The following GNAT3 variants were observed in gnomAD, a reference collection of about 807,000 sequenced individuals.
The protein encoded by GNAT3 is G protein subunit alpha transducin 3.
Under a neutral mutation model 37.7 loss-of-function variants are expected in GNAT3, and 31 were observed. The observed-to-expected ratio is 0.82, with a 90% CI of 0.62 to 1.11. GNAT3 has a LOEUF of 1.11. Ranked by LOEUF, GNAT3 falls within the 50% of genes most tolerant of loss-of-function variation. GNAT3 has a pLI of 0.00. For missense variants in GNAT3, 437 were observed against 412.5 expected (o/e 1.06, Z -0.51); for synonymous variants, 138 against 139.8 (o/e 0.99, Z 0.09).
intron 5 of GNAT3, among the ~76,000 whole-genome samples, chr7:80,471,748 C>T (rs754351699): frequency 6.6e-6 from 1 of 152,114 alleles, no homozygotes; most frequent in Non-Finnish European, 1.5e-5. Context: ...GAAAGATATG[C>T]ATTTTAATTC....
chr7:80,499,151 A>G (rs560880577), intron 1 of GNAT3, among the ~76,000 whole-genome samples: 1 of 152,282 alleles, frequency 6.6e-6, no homozygotes, highest in Admixed American at 6.5e-5. Flanking sequence ...TCAACCAGCT[A>G]TGCACATCTC....
At chr7:80,505,656 G>A (rs1790924013) in intron 1 of GNAT3, among the ~76,000 whole-genome samples, 1 of 152,168 alleles carries the variant, frequency 6.6e-6, no homozygotes, top group South Asian at 2.1e-4. Flanking sequence ...GTGAGCCACT[G>A]CGCCTGGCAG....
At chr7:80,485,297 G>T (rs1790459439) in intron 3 of GNAT3, among the ~76,000 whole-genome samples, 1 of 151,706 alleles carries the variant, frequency 6.6e-6, no homozygotes, top group African/African-American at 2.4e-5. Flanking sequence ...TAGTATAATG[G>T]CATGCCAATA....
chr7:80,476,924 G>A (rs1385166202), intron 4 of GNAT3, among the ~76,000 whole-genome samples: 1 of 151,754 alleles, frequency 6.6e-6, no homozygotes, highest in Non-Finnish European at 1.5e-5. Flanking sequence ...TAAGACCCAG[G>A]GAAAATGAGC....
chr7:80,465,612 T>C (rs6942728), intron 5 of GNAT3, among the ~76,000 whole-genome samples: 16,992 of 152,102 alleles, frequency 0.11, 1,001 homozygotes, highest in Middle Eastern at 0.18. Flanking sequence ...TCTATTTACT[T>C]AGAACAGAGG....
Position 80,462,203 on chromosome 7 carries a change from T to A in GNAT3, c.830A>T (p.Lys277Met). The A allele has an allele frequency of 6.3e-7, 1 of 1,598,062 alleles. No individual in the cohort carries two copies. The highest frequency in any genetic ancestry group is 8.5e-7 in the Non-Finnish European group (1 of 1,170,952). ...FLNKKDIFQEKVTKVHLSICF... is the reference protein window; with the variant it reads ...FLNKKDIFQEMVTKVHLSICF... ...GATACTAAGATGCACCTTGGTTACC[T>A]TTTCTTGAAAGATATCTTTTTTGTT... is the stretch of plus-strand genomic sequence containing the variant. Residue 277 changes from lysine to methionine, a missense_variant, in exon 7 of 8, where the codon AAG becomes ATG. Lys to Met is a moderately conservative substitution (Grantham distance 95). Coordinates refer to ENST00000398291, the MANE Select transcript of GNAT3 (RefSeq NM_001102386.3).
intron 1 of GNAT3, among the ~76,000 whole-genome samples, chr7:80,495,899 A>G (rs1465160143): frequency 6.6e-6 from 1 of 151,720 alleles, no homozygotes; most frequent in African/African-American, 2.4e-5. Context: ...TGATGGAGCT[A>G]TTTGCTTTTT....
rs567624954 is a variant in GNAT3, at chr7:80,480,839, C to T, written c.304-1841G>A. On this transcript the variant is annotated intron_variant, in intron 3 of 7. Coordinates refer to ENST00000398291, the MANE Select transcript of GNAT3 (RefSeq NM_001102386.3). ...CTGTTTATCAGCAAGGTCGTTATGA[C>T]CTGCATCTTGTGCCGACCTCCTTAT... 2.2e-4 allele frequency among the ~76,000 whole-genome samples: 33 copies of T among 152,174 alleles called. No individual in the cohort carries two copies. In the South Asian group the frequency reaches 6.4e-3, roughly 30 times the overall value.
intron 7 of GNAT3, among the ~76,000 whole-genome samples, chr7:80,461,184 C>A (rs1351732902): frequency 6.6e-6 from 1 of 151,876 alleles, no homozygotes; most frequent in African/African-American, 2.4e-5. Context: ...TGATAAAATG[C>A]CATGGTCCTA....
chr7:80,473,113 T>C (rs1043009795), intron 5 of GNAT3, among the ~76,000 whole-genome samples: 1 of 152,128 alleles, frequency 6.6e-6, no homozygotes, highest in Non-Finnish European at 1.5e-5. Context: ...AAAAGAACTA[T>C]ACAATAGTGA....
At chr7:80,483,465 A>G (rs1054943424) in intron 3 of GNAT3, among the ~76,000 whole-genome samples, 3 of 152,064 alleles carry the variant, frequency 2.0e-5, no homozygotes, top group Non-Finnish European at 4.4e-5. Flanking sequence ...CTTCCTCATA[A>G]CGGCCAAACT....
intron 5 of GNAT3, among the ~76,000 whole-genome samples, chr7:80,472,864 T>C (rs1042725259): frequency 6.6e-6 from 1 of 152,160 alleles, no homozygotes; most frequent in African/African-American, 2.4e-5. Flanking sequence ...CTACTGCTAA[T>C]TATTAGGTAA....
At chr7:80,488,766 A>G (rs901149311) in intron 2 of GNAT3, 90 bp from the exon 3 acceptor site, 2 of 917,134 alleles carry the variant, frequency 2.2e-6, no homozygotes, top group Non-Finnish European at 3.3e-6. Flanking sequence ...ATAAAATTAC[A>G]GTATATATTC....
At chr7:80,493,325 G>A (rs10268450) in intron 2 of GNAT3, among the ~76,000 whole-genome samples, 17,380 of 152,024 alleles carry the variant, frequency 0.11, 2,683 homozygotes, top group African/African-American at 0.35. Context: ...CAAAAATGGT[G>A]CAATCCCAGG....
chr7:80,497,593 C>G (rs1051810202), intron 1 of GNAT3, among the ~76,000 whole-genome samples: 1 of 131,720 alleles, frequency 7.6e-6, no homozygotes, highest in Non-Finnish European at 1.6e-5. Context: ...TATACATATA[C>G]GTATATACAT....
intron 5 of GNAT3, among the ~76,000 whole-genome samples, chr7:80,472,679 C>T (rs1359735004): frequency 6.6e-6 from 1 of 152,156 alleles, no homozygotes; most frequent in South Asian, 2.1e-4. Flanking sequence ...GGTAACATCA[C>T]TTGTCCAAAC....
chr7:80,489,864 G>A (rs923622868), intron 2 of GNAT3, among the ~76,000 whole-genome samples: 1 of 152,038 alleles, frequency 6.6e-6, no homozygotes, highest in Non-Finnish European at 1.5e-5. Context: ...TATTAAAATG[G>A]CAACTGTGAA....
At chr7:80,503,148 A>G (rs531761069) in intron 1 of GNAT3, among the ~76,000 whole-genome samples, 2 of 152,312 alleles carry the variant, frequency 1.3e-5, no homozygotes, top group East Asian at 1.9e-4. Flanking sequence ...TAAAATTCCT[A>G]TGCAATAACA....
chr7:80,472,036 G>C (rs1367543602), intron 5 of GNAT3, among the ~76,000 whole-genome samples: 1 of 151,888 alleles, frequency 6.6e-6, no homozygotes, highest in African/African-American at 2.4e-5. Flanking sequence ...AAATAGACAT[G>C]GCCCCTAGCC....
Sources: gnomAD v4.1 joint callset for allele counts (sites outside exome capture counted in the v4.1 genomes callset) on GRCh38, gnomAD v4.1.1 for gene constraint, MANE v1.5 for transcripts, NCBI Gene and HGNC (gene_info 2026-07-23, HGNC 2026-07-21) for gene names.